RGS22: variants seen among roughly 807,000 people sequenced by gnomAD.
RGS22 encodes regulator of G-protein signaling 22.
A neutral mutation model predicts 172.9 loss-of-function variants in RGS22; 148 were observed. That is an observed-to-expected ratio of 0.86 (90% CI 0.75 to 0.98). The LOEUF (loss-of-function observed/expected upper bound fraction) is 0.98. Among genes scored for constraint, RGS22 ranks in the 50% least tolerant of loss-of-function variants. RGS22 has a pLI of 0.00. For synonymous variants in RGS22, 458 were observed against 480.2 expected (o/e 0.95, Z 0.60); for missense variants, 1,347 against 1,440.8 (o/e 0.93, Z 1.05).
chr8:100,007,195 G>T (rs1341611848), intron 15 of RGS22, among the ~76,000 whole-genome samples: 2 of 152,118 alleles, frequency 1.3e-5, no homozygotes, highest in Non-Finnish European at 2.9e-5. Flanking sequence ...TATTAATTTT[G>T]TATGACGATC....
At chr8:99,984,984 T>A (rs1444072149) in intron 21 of RGS22, among the ~76,000 whole-genome samples, 1 of 152,216 alleles carries the variant, frequency 6.6e-6, no homozygotes, top group Non-Finnish European at 1.5e-5. Flanking sequence ...AACGTCCTTG[T>A]TGTACAACTG....
intron 14 of RGS22, among the ~76,000 whole-genome samples, chr8:100,027,910 A>C (rs1203640086): frequency 6.6e-6 from 1 of 152,188 alleles, no homozygotes; most frequent in Non-Finnish European, 1.5e-5. Flanking sequence ...CCCTAATAAT[A>C]CTGTTTATTC....
chr8:100,102,374 G>C (rs1196410692), intron 2 of RGS22, among the ~76,000 whole-genome samples: 2 of 152,190 alleles, frequency 1.3e-5, no homozygotes, highest in Non-Finnish European at 2.9e-5. Flanking sequence ...ATCTACCATG[G>C]AAAGGAGAGA....
At chr8:100,030,630 G>T (rs1818691239) in intron 14 of RGS22, among the ~76,000 whole-genome samples, 1 of 152,150 alleles carries the variant, frequency 6.6e-6, no homozygotes, top group Non-Finnish European at 1.5e-5. Context: ...AATAGCAATG[G>T]AAGGCAGAAA....
At chr8:100,097,480 G>A (rs901304832) in intron 2 of RGS22, among the ~76,000 whole-genome samples, 11 of 152,180 alleles carry the variant, frequency 7.2e-5, no homozygotes, top group Non-Finnish European at 1.5e-5. Context: ...ATGTGAAAAA[G>A]CAAATGTAAC....
At chr8:99,961,577 G>A (rs1254214295) in intron 27 of RGS22, among the ~76,000 whole-genome samples, 1 of 152,176 alleles carries the variant, frequency 6.6e-6, no homozygotes, top group Admixed American at 6.5e-5. Flanking sequence ...TAGCCACATG[G>A]AACTGTGAGT....
chr8:100,007,788 A>G (rs1815886230), intron 15 of RGS22, among the ~76,000 whole-genome samples: 1 of 136,780 alleles, frequency 7.3e-6, no homozygotes, highest in African/African-American at 3.2e-5. Context: ...AAAAAAAAAG[A>G]AAAAAAAAAT....
rs529105373 is a variant in RGS22 at position 100,082,195 on chromosome 8, G to A, written c.118-1840C>T. ...TTACTGAATGTCTATCATGTGATAG[G>A]TGTGTGATGGACACTTTATTTTTTT... On this transcript the variant is annotated intron_variant, in intron 3 of 27. Coordinates refer to ENST00000360863, the MANE Select transcript of RGS22 (RefSeq NM_015668.5). Among the ~76,000 whole-genome samples, 4 of 152,236 alleles carry A rather than the reference G, an allele frequency of 2.6e-5. No individual in the cohort carries two copies. The South Asian group carries it at 6.2e-4, about 24-fold the overall frequency.
intron 4 of RGS22, 79 bp downstream of exon 4, chr8:100,080,055 A>G: frequency 2.0e-6 from 2 of 985,310 alleles, no homozygotes; most frequent in Non-Finnish European, 3.1e-6. Flanking sequence ...CACTTCAAAA[A>G]GGGAAGCCTA....
chr8:99,999,728 C>T (rs1814824564), intron 18 of RGS22, among the ~76,000 whole-genome samples: 1 of 152,150 alleles, frequency 6.6e-6, no homozygotes, highest in African/African-American at 2.4e-5. Context: ...CCTCCATGGA[C>T]TCAGTATCTC....
At chr8:100,044,804 G>A (rs1386149793) in intron 11 of RGS22, among the ~76,000 whole-genome samples, 1 of 151,616 alleles carries the variant, frequency 6.6e-6, no homozygotes, top group Admixed American at 6.6e-5. Context: ...ATGCTTCCTC[G>A]ATTTTCTACT....
intron 11 of RGS22, among the ~76,000 whole-genome samples, chr8:100,045,629 A>G (rs1204386274): frequency 6.6e-6 from 1 of 152,010 alleles, no homozygotes; most frequent in African/African-American, 2.4e-5. Flanking sequence ...TATAACTCCT[A>G]TGAAAGACAA....
At chr8:100,014,415 C>A (rs1381831114) in intron 14 of RGS22, among the ~76,000 whole-genome samples, 1 of 152,198 alleles carries the variant, frequency 6.6e-6, no homozygotes, top group Non-Finnish European at 1.5e-5. Context: ...CTACAAGTCT[C>A]CATAGTCACT....
At chr8:99,988,875 A>G (rs1376804342) in intron 20 of RGS22, among the ~76,000 whole-genome samples, 1 of 152,172 alleles carries the variant, frequency 6.6e-6, no homozygotes, top group Admixed American at 6.5e-5. Flanking sequence ...CCCCCACCAT[A>G]TGGTCCATAT....
At chr8:100,030,461 C>G (rs1457262474) in intron 14 of RGS22, among the ~76,000 whole-genome samples, 1 of 152,146 alleles carries the variant, frequency 6.6e-6, no homozygotes, top group African/African-American at 2.4e-5. Context: ...ATTGTTATCA[C>G]AGGAGATGAC....
intron 4 of RGS22, among the ~76,000 whole-genome samples, chr8:100,073,443 A>C (rs1246771158): frequency 6.8e-6 from 1 of 147,978 alleles, no homozygotes; most frequent in Non-Finnish European, 1.5e-5. Flanking sequence ...AAAAAAAAAC[A>C]AAAAAAACAT....
At chr8:100,051,044 T>C (rs1251682306) in intron 10 of RGS22, 3 of 152,120 alleles carry the variant, frequency 2.0e-5, no homozygotes, top group Non-Finnish European at 4.4e-5. Context: ...TCTATGTAAG[T>C]GTGCTTATAT....
intron 10 of RGS22, among the ~76,000 whole-genome samples, chr8:100,052,516 T>C (rs1300810076): frequency 6.6e-6 from 1 of 151,880 alleles, no homozygotes; most frequent in East Asian, 1.9e-4. Context: ...TTAGCCAGGA[T>C]GGTCTTGATC....
At chr8:100,016,646 A>G (rs1421668029) in intron 14 of RGS22, among the ~76,000 whole-genome samples, 2 of 152,076 alleles carry the variant, frequency 1.3e-5, no homozygotes, top group Admixed American at 1.3e-4. Context: ...GCATGGTGGC[A>G]GGCGCCTGTA....
Sources: gnomAD v4.1 joint callset for allele counts (sites outside exome capture counted in the v4.1 genomes callset) on GRCh38, gnomAD v4.1.1 for gene constraint, MANE v1.5 for transcripts, NCBI Gene and HGNC (gene_info 2026-07-23, HGNC 2026-07-21) for gene names.